Variants in DAB1 observed in about 807,000 individuals in gnomAD.
DAB1 encodes the protein DAB adaptor protein 1.
In DAB1, 15 loss-of-function variants were observed where a neutral mutation model predicts 64.6. That is an observed-to-expected ratio of 0.23 (90% confidence interval 0.16 to 0.36). DAB1 has a LOEUF of 0.36. DAB1 is among the 10% of genes least tolerant of loss of function. The pLI is 1.00. For missense variants in DAB1, 596 were observed against 706.7 expected (o/e 0.84, Z 1.78); for synonymous variants, 235 against 251.9 (o/e 0.93, Z 0.64).
At chr1:57,251,935 C>T (rs1036742020) in intron 2 of DAB1, among the ~76,000 whole-genome samples, 3 of 152,192 alleles carry the variant, frequency 2.0e-5, no homozygotes, top group South Asian at 4.1e-4. Flanking sequence ...CCCATAAAGA[C>T]CTCCTAGGCC....
intron 1 of DAB1, among the ~76,000 whole-genome samples, chr1:57,849,799 G>A (rs531064467): frequency 6.6e-6 from 1 of 152,306 alleles, no homozygotes; most frequent in South Asian, 2.1e-4. Context: ...TTTCCTGACA[G>A]TAATTTCTTT....
intron 4 of DAB1, among the ~76,000 whole-genome samples, chr1:58,172,295 C>T (rs933893065): frequency 1.3e-5 from 2 of 152,204 alleles, no homozygotes; most frequent in South Asian, 2.1e-4. Context: ...CAGTGGCATA[C>T]CTAAGTAAGG....
intron 7 of DAB1, among the ~76,000 whole-genome samples, chr1:57,434,732 C>A (rs11806059): frequency 0.18 from 27,487 of 152,126 alleles, 2,817 homozygotes; most frequent in East Asian, 0.4. Context: ...TTCTAGGCTA[C>A]AAACCTGTAT....
At chr1:57,306,013 C>G (rs1021025040) in intron 1 of DAB1, among the ~76,000 whole-genome samples, 1 of 151,476 alleles carries the variant, frequency 6.6e-6, no homozygotes, top group Non-Finnish European at 1.5e-5. Flanking sequence ...CAATGACTTT[C>G]ATGAGAACCT....
chr1:57,875,825 G>A (rs1170124838), intron 1 of DAB1, among the ~76,000 whole-genome samples: 1 of 152,126 alleles, frequency 6.6e-6, no homozygotes, highest in Non-Finnish European at 1.5e-5. Flanking sequence ...AAAGAGATCT[G>A]GGTCAAATGA....
chr1:58,192,642 T>G (rs1010712265), intron 4 of DAB1, among the ~76,000 whole-genome samples: 1 of 152,184 alleles, frequency 6.6e-6, no homozygotes, highest in East Asian at 1.9e-4. Context: ...CGTGTGTGTA[T>G]GTGTATATAT....
chr1:57,649,173 AAT>A (rs1200870189), intron 7 of DAB1, among the ~76,000 whole-genome samples: 1 of 152,204 alleles, frequency 6.6e-6, no homozygotes, highest in East Asian at 1.9e-4. Context: ...CACAGTTGAG[AAT>A]AGTTTCCTCT....
At chr1:57,391,181 C>A (rs1055853749) in intron 1 of DAB1, among the ~76,000 whole-genome samples, 36 of 152,136 alleles carry the variant, frequency 2.4e-4, no homozygotes, top group African/African-American at 5.8e-4. Context: ...TCCATTCATT[C>A]ACAAGCATTT....
At chr1:57,506,208 A>C (rs1037865717) in intron 7 of DAB1, among the ~76,000 whole-genome samples, 3 of 152,162 alleles carry the variant, frequency 2.0e-5, no homozygotes, top group African/African-American at 7.2e-5. Context: ...AGAAAAAAGG[A>C]GGAAAGGGGA....
At chr1:57,389,292 C>A (rs1309938947) in intron 1 of DAB1, among the ~76,000 whole-genome samples, 1 of 152,206 alleles carries the variant, frequency 6.6e-6, no homozygotes, top group Non-Finnish European at 1.5e-5. Context: ...AGATTCCCAG[C>A]TGACAAGGTT....
chr1:58,185,712 A>T (rs1356908933), intron 4 of DAB1, among the ~76,000 whole-genome samples: 2 of 152,186 alleles, frequency 1.3e-5, no homozygotes, highest in Non-Finnish European at 2.9e-5. Context: ...CCAGCCAGCA[A>T]TGTCACCTAT....
chr1:57,224,800 G>T (rs1156574477), intron 2 of DAB1, among the ~76,000 whole-genome samples: 2 of 152,214 alleles, frequency 1.3e-5, no homozygotes, highest in Non-Finnish European at 2.9e-5. Flanking sequence ...GGCCCTGAGA[G>T]AGCTTCAGGA....
At chr1:57,276,288 G>A (rs1234032622) in intron 2 of DAB1, among the ~76,000 whole-genome samples, 1 of 152,190 alleles carries the variant, frequency 6.6e-6, no homozygotes, top group Non-Finnish European at 1.5e-5. Flanking sequence ...AAATCGACCA[G>A]GATTGGCAAA....
chr1:58,330,929 G>T (rs1480858291), intron 4 of DAB1, among the ~76,000 whole-genome samples: 1 of 152,150 alleles, frequency 6.6e-6, no homozygotes, highest in African/African-American at 2.4e-5. Context: ...CATTCATTCT[G>T]CAGTCCATTG....
intron 8 of DAB1, 101 bp from the exon 9 acceptor site, chr1:57,063,044 G>T: frequency 1.0e-6 from 1 of 994,710 alleles, no homozygotes; most frequent in South Asian, 1.4e-5. Flanking sequence ...AAGGGTGCCT[G>T]AGAATGGCCC....
intron 5 of DAB1, among the ~76,000 whole-genome samples, chr1:57,949,459 T>TTATCTATC (rs71051263): frequency 0.027 from 3,981 of 146,322 alleles, 71 homozygotes; most frequent in East Asian, 0.053. Flanking sequence ...AAGCAATTCT[T>TTATCTATC]TATCTATCTA....
chr1:57,361,078 A>G (rs892914081), intron 1 of DAB1, among the ~76,000 whole-genome samples: 1 of 152,128 alleles, frequency 6.6e-6, no homozygotes, highest in Non-Finnish European at 1.5e-5. Context: ...AGAGGACACC[A>G]CAGAACACTG....
chr1:57,337,457 C>T (rs1043962857), intron 1 of DAB1, among the ~76,000 whole-genome samples: 13 of 152,194 alleles, frequency 8.5e-5, no homozygotes, highest in African/African-American at 3.1e-4. Flanking sequence ...CCTGCAGCCT[C>T]CTTGGAGCCT....
intron 1 of DAB1, among the ~76,000 whole-genome samples, chr1:57,321,217 C>G (rs1248353491): frequency 6.6e-6 from 1 of 152,064 alleles, no homozygotes; most frequent in Non-Finnish European, 1.5e-5. Flanking sequence ...TAAATAGAAT[C>G]CAAAAAATGT....
Sources: allele counts gnomAD v4.1 joint callset (sites outside exome capture counted in the v4.1 genomes callset), GRCh38; gene constraint gnomAD v4.1.1; transcripts MANE v1.5; gene names NCBI Gene and HGNC (gene_info 2026-07-23, HGNC 2026-07-21).